The following CDK19 variants were observed in gnomAD, a reference collection of about 807,000 sequenced individuals.
CDK19 encodes cyclin-dependent kinase 19.
Under a neutral mutation model 68.3 loss-of-function variants are expected in CDK19, and 20 were observed. The observed-to-expected ratio is 0.29, with a 90% CI of 0.21 to 0.43. The LOEUF is 0.43. Among genes scored for constraint, CDK19 ranks in the 20% least tolerant of loss-of-function variants. CDK19 has a pLI of 1.00. For synonymous variants in CDK19, 221 were observed against 222.8 expected, an observed-to-expected ratio of 0.99 and a Z score of 0.07; for missense variants, 339 against 623.5, an observed-to-expected ratio of 0.54 and a Z score of 4.86.
At chr6:110,646,667 C>T (rs1780607134) in intron 4 of CDK19, 2 of 486,044 alleles carry the variant, frequency 4.1e-6, no homozygotes, top group Non-Finnish European at 7.0e-6. Context: ...TTTGGCTTTG[C>T]TATATGTCTC....
intron 2 of CDK19, among the ~76,000 whole-genome samples, chr6:110,719,972 G>GCCCCCCCCCCCCCC (rs1167384607): frequency 4.4e-5 from 2 of 45,520 alleles, no homozygotes; most frequent in African/African-American, 1.7e-4. Flanking sequence ...CTTGTGATCC[G>GCCCCCCCCCCCCCC]CCCCCCCCCC....
rs1778122538 is a variant in CDK19 at position 110,613,306 on chromosome 6, A to G, written c.*1229T>C. 3 of 152,678 alleles carry G rather than the reference A, an allele frequency of 2.0e-5. No homozygotes were observed. The highest frequency in any genetic ancestry group is 2.1e-4 in the South Asian group (1 of 4,830). The allele number at this position is 152,678 out of a possible 1,614,324, so 9.5% of individuals were successfully genotyped here. A position where few individuals can be genotyped will look rare whatever the true frequency, so the allele number is the denominator to read the frequency against. Reference sequence around the variant, plus strand: ...TTTTCTCCTAGGGGCAAAAGAAATCATTCAGTGCAATGAAAAAGATTCTTG... The same window carrying G: ...TTTTCTCCTAGGGGCAAAAGAAATCGTTCAGTGCAATGAAAAAGATTCTTG... On this transcript the variant is annotated 3_prime_UTR_variant, in exon 13 of 13. Transcript: ENST00000368911.
intron 2 of CDK19, among the ~76,000 whole-genome samples, chr6:110,673,476 C>T (rs756642094): frequency 6.6e-6 from 1 of 151,872 alleles, no homozygotes; most frequent in Non-Finnish European, 1.5e-5. Context: ...AGTGAAATTG[C>T]TAGATCCTAT....
At chr6:110,620,784 C>T (rs1177282408) in intron 12 of CDK19, among the ~76,000 whole-genome samples, 1 of 152,172 alleles carries the variant, frequency 6.6e-6, no homozygotes, top group Non-Finnish European at 1.5e-5. Context: ...CCCTTTTCAA[C>T]TGCGTATCTA....
At chr6:110,617,472 G>C (rs1414286750) in intron 12 of CDK19, among the ~76,000 whole-genome samples, 1 of 151,726 alleles carries the variant, frequency 6.6e-6, no homozygotes, top group African/African-American at 2.4e-5. Context: ...ACACTTTGTT[G>C]ACCCTAAACC....
At chr6:110,616,531 G>A (rs1237965369) in intron 12 of CDK19, among the ~76,000 whole-genome samples, 1 of 151,996 alleles carries the variant, frequency 6.6e-6, no homozygotes, top group East Asian at 1.9e-4. Context: ...AGCCAGGCAT[G>A]GTGGTGGGTC....
At chr6:110,674,161 C>T (rs879439494) in intron 2 of CDK19, among the ~76,000 whole-genome samples, 10 of 152,186 alleles carry the variant, frequency 6.6e-5, no homozygotes, top group Admixed American at 5.2e-4. Flanking sequence ...TCACAAATTG[C>T]ACCCACATAA....
intron 2 of CDK19, among the ~76,000 whole-genome samples, chr6:110,725,673 C>T (rs1238959598): frequency 6.6e-6 from 1 of 152,036 alleles, no homozygotes; most frequent in African/African-American, 2.4e-5. Context: ...TCATAAGCAG[C>T]CAATCAGCTT....
intron 12 of CDK19, among the ~76,000 whole-genome samples, chr6:110,618,827 C>A (rs1215269381): frequency 2.8e-5 from 1 of 35,804 alleles, no homozygotes; most frequent in African/African-American, 2.2e-4. Context: ...ACAGCCCCTC[C>A]CTCTGCTATG....
chr6:110,675,729 T>C, intron 2 of CDK19, among the ~76,000 whole-genome samples: 1 of 151,916 alleles, frequency 6.6e-6, no homozygotes, highest in East Asian at 1.9e-4. Flanking sequence ...GTTGACAGCA[T>C]GGCTTACCGA....
At chr6:110,768,060 A>G (rs1008781459) in intron 1 of CDK19, among the ~76,000 whole-genome samples, 2 of 152,192 alleles carry the variant, frequency 1.3e-5, no homozygotes, top group Admixed American at 6.5e-5. Context: ...AAAAGAAAAC[A>G]AACAACTCAA....
chr6:110,695,587 T>C (rs139854652), intron 2 of CDK19, among the ~76,000 whole-genome samples: 4,411 of 152,204 alleles, frequency 0.029, 88 homozygotes, highest in South Asian at 0.084. Flanking sequence ...ACAAAATTGA[T>C]AGACCATTAG....
chr6:110,771,152 C>T (rs936169614), intron 1 of CDK19, among the ~76,000 whole-genome samples: 1 of 152,176 alleles, frequency 6.6e-6, no homozygotes, highest in South Asian at 2.1e-4. Flanking sequence ...CTGTGCCCCA[C>T]TAGGGGCTCT....
intron 1 of CDK19, among the ~76,000 whole-genome samples, chr6:110,794,059 GTT>G (rs1781766424): frequency 6.6e-6 from 1 of 151,974 alleles, no homozygotes; most frequent in Non-Finnish European, 1.5e-5. Flanking sequence ...TTGTTTGTTT[GTT>G]TTAAGATGGA....
chr6:110,659,430 T>C (rs1378734459), intron 4 of CDK19, among the ~76,000 whole-genome samples: 1 of 152,258 alleles, frequency 6.6e-6, no homozygotes, highest in Non-Finnish European at 1.5e-5. Context: ...TGTTTCTGCA[T>C]AGTGTCCTTT....
intron 6 of CDK19, among the ~76,000 whole-genome samples, chr6:110,629,672 C>T (rs1298171335): frequency 6.6e-6 from 1 of 152,130 alleles, no homozygotes; most frequent in Non-Finnish European, 1.5e-5. Context: ...TCATTTCTAA[C>T]ATGGACCATG....
intron 2 of CDK19, among the ~76,000 whole-genome samples, chr6:110,723,138 A>AAAG (rs1776043176): frequency 1.0e-5 from 1 of 96,836 alleles, no homozygotes; most frequent in Non-Finnish European, 2.7e-5. Context: ...GCTTTGTCAA[A>AAAG]AAAAACAAAA....
intron 6 of CDK19, among the ~76,000 whole-genome samples, chr6:110,629,652 C>A (rs1357282285): frequency 6.6e-6 from 1 of 152,172 alleles, no homozygotes; most frequent in East Asian, 1.9e-4. Flanking sequence ...CCTTGCCCGG[C>A]CCTAAGTACT....
chr6:110,769,734 CT>C (rs1423202573), intron 1 of CDK19, among the ~76,000 whole-genome samples: 3 of 152,084 alleles, frequency 2.0e-5, no homozygotes, highest in Admixed American at 6.6e-5. Flanking sequence ...TTAATCTCAT[CT>C]TTCTCATAGA....
Sources: allele counts gnomAD v4.1 joint callset (sites outside exome capture counted in the v4.1 genomes callset), GRCh38; gene constraint gnomAD v4.1.1; transcripts MANE v1.5; gene names NCBI Gene and HGNC (gene_info 2026-07-23, HGNC 2026-07-21).